The following AMOTL1 variants were observed in gnomAD, a reference collection of about 807,000 sequenced individuals.
The protein encoded by AMOTL1 is angiomotin like 1.
Under a neutral mutation model 102.9 loss-of-function variants are expected in AMOTL1, and 45 were observed. The ratio of observed to expected loss-of-function variants is 0.44; its 90% CI spans 0.34 to 0.56. The LOEUF (loss-of-function observed/expected upper bound fraction) is 0.56, where lower values mean the gene tolerates loss of function less well. Ranked by LOEUF, AMOTL1 falls within the 20% of genes least tolerant of loss-of-function variation. The probability of loss-of-function intolerance (pLI) is 0.01; values close to 1 mark genes in which losing one functional copy is unlikely to be tolerated. For synonymous variants in AMOTL1, 481 were observed against 484.7 expected, an observed-to-expected ratio of 0.99 and a Z score of 0.10; for missense variants, 1,114 against 1,225.6, an observed-to-expected ratio of 0.91 and a Z score of 1.36.
intron 4 of AMOTL1, among the ~76,000 whole-genome samples, chr11:94,822,921 C>G (rs537302550): frequency 1.3e-5 from 2 of 152,232 alleles, no homozygotes; most frequent in South Asian, 4.2e-4. Flanking sequence ...GTAGTAGTAG[C>G]GATCCTCTAA....
chr11:94,763,619 A>G (rs1950821337), upstream of AMOTL1, among the ~76,000 whole-genome samples: 2 of 152,242 alleles, frequency 1.3e-5, no homozygotes, highest in South Asian at 4.1e-4. Context: ...GTTGATTAAC[A>G]CATATTTCAT....
chr11:94,813,731 A>G (rs1951721635), intron 3 of AMOTL1, among the ~76,000 whole-genome samples: 1 of 152,220 alleles, frequency 6.6e-6, no homozygotes, highest in Non-Finnish European at 1.5e-5. Flanking sequence ...GAAATTCACA[A>G]TGCCCTGCTT....
chr11:94,817,695 T>C (rs1951789267), intron 3 of AMOTL1, among the ~76,000 whole-genome samples: 1 of 152,202 alleles, frequency 6.6e-6, no homozygotes. Flanking sequence ...CAAAAGGTGT[T>C]TTTTATAATC....
At chr11:94,707,214 GTCTCTCTCTC>G (rs56290112) in intron 1 of AMOTL1, among the ~76,000 whole-genome samples, 50,873 of 131,252 alleles carry the variant, frequency 0.39, 11,070 homozygotes, top group Non-Finnish European at 0.46. Context: ...TATACATGAG[GTCTCTCTCTC>G]TCTCTCTCTC....
At chr11:94,725,065 G>A (rs1227882495) in intron 1 of AMOTL1, among the ~76,000 whole-genome samples, 3 of 152,190 alleles carry the variant, frequency 2.0e-5, no homozygotes, top group Non-Finnish European at 4.4e-5. Context: ...AATGGCCCTA[G>A]AAGTGGTGGT....
chr11:94,763,474 A>C (rs1341792855), upstream of AMOTL1, among the ~76,000 whole-genome samples: 1 of 152,186 alleles, frequency 6.6e-6, no homozygotes, highest in African/African-American at 2.4e-5. Flanking sequence ...ACTAGAGTTG[A>C]CCCTTGAACA....
At chr11:94,859,815 G>C in intron 9 of AMOTL1, 100 bp downstream of exon 9, 4 of 1,272,536 alleles carry the variant, frequency 3.1e-6, no homozygotes, top group Non-Finnish European at 4.1e-6. Flanking sequence ...ATCCTAGGGA[G>C]TGAAGTCAGC....
At chr11:94,806,608 T>C (rs556574542) in intron 3 of AMOTL1, among the ~76,000 whole-genome samples, 1 of 152,306 alleles carries the variant, frequency 6.6e-6, no homozygotes, top group South Asian at 2.1e-4. Flanking sequence ...CTCCGGTATT[T>C]AGGCCGAATT....
At chr11:94,848,977 C>T (rs1243801008) in intron 6 of AMOTL1, among the ~76,000 whole-genome samples, 1 of 152,180 alleles carries the variant, frequency 6.6e-6, no homozygotes, top group Non-Finnish European at 1.5e-5. Flanking sequence ...GACTTGGGTT[C>T]TCTATGGTTC....
chr11:94,849,934 T>G (rs1592032424), intron 6 of AMOTL1, among the ~76,000 whole-genome samples, 180 bp from the exon 7 acceptor site: 1 of 152,092 alleles, frequency 6.6e-6, no homozygotes, highest in Admixed American at 6.5e-5. Context: ...TTGACCGTGG[T>G]TTTTGAGAAA....
rs777775534 is a variant in AMOTL1 at position 94,850,197 on chromosome 11, A to G, written c.1732A>G (p.Ile578Val). The change falls in exon 7 of 13, where the codon ATC becomes GTC. Residue 578 changes from isoleucine (I) to valine (V), a missense_variant. Ile to Val is a conservative substitution (Grantham distance 29, BLOSUM62 3). Transcript: ENST00000433060. ...RTASEDHRRH[I>V]EILDQALSNA... ...TGCAAGTGAGGACCATCGGAGACAC[A>G]TCGAGATCCTGGACCAGGCTTTGAG... 62 of 1,595,016 alleles carry G rather than the reference A, an allele frequency of 3.9e-5. 1 individual carries two copies. The highest frequency in any genetic ancestry group is 2.3e-5 in the East Asian group (1 of 44,274).
At chr11:94,741,105 G>C in intron 3 of AMOTL1, 3 of 871,876 alleles carry the variant, frequency 3.4e-6, no homozygotes, top group Non-Finnish European at 3.3e-6. Context: ...GAGGGCGGAG[G>C]GAAAGGGTCA....
intron 1 of AMOTL1, among the ~76,000 whole-genome samples, chr11:94,718,004 G>A (rs1295842813): frequency 1.7e-4 from 26 of 151,796 alleles, no homozygotes; most frequent in Admixed American, 1.7e-3. Flanking sequence ...TAATAAATAT[G>A]CCTTATAAAA....
At chr11:94,800,348 A>C (rs1230168088) in intron 3 of AMOTL1, 37 bp downstream of exon 3, 2 of 1,521,760 alleles carry the variant, frequency 1.3e-6, no homozygotes, top group South Asian at 2.6e-5. Context: ...GCGGCTTTTC[A>C]AAATTCAATA....
Position 94,869,300 on chromosome 11 carries a change from G to T in AMOTL1, c.2591G>T (p.Ser864Ile), listed in dbSNP as rs761855336. The change falls in exon 12 of 13, where the codon AGC (serine) becomes ATC (isoleucine). Residue 864 changes from serine to isoleucine, a missense_variant. Coordinates refer to ENST00000433060, the MANE Select transcript of AMOTL1 (RefSeq NM_130847.3). ...TCCATAGCCTCCACTACGGCAGCCA[G>T]CAGTGCCCACGCCAAGACAGGCAGC... is the stretch of plus-strand genomic sequence containing the variant. ...LSSIASTTAA[S>I]SAHAKTGSKD... 4.3e-6 allele frequency: 7 copies of T among 1,613,018 alleles called. No individual in the cohort carries two copies. The East Asian group carries it at 1.1e-4, about 26-fold the overall frequency.
intron 3 of AMOTL1, among the ~76,000 whole-genome samples, chr11:94,753,828 A>G (rs1950687778): frequency 6.6e-6 from 1 of 152,218 alleles, no homozygotes; most frequent in South Asian, 2.1e-4. Flanking sequence ...CTCACTCACA[A>G]TACTGCCTAC....
Position 94,799,851 on chromosome 11 carries a change from G to A in AMOTL1, c.661G>A (p.Ala221Thr), listed in dbSNP as rs1221278316. Reference sequence around the variant, plus strand: ...GGCGGTGGGCCATGGTTACTACATGGCAGGGGGCACCAGTCAGAAGTCCCG... The same window carrying A: ...GGCGGTGGGCCATGGTTACTACATGACAGGGGGCACCAGTCAGAAGTCCCG... ...QGAVGHGYYM[A>T]GGTSQKSRTE... is the part of the protein sequence containing the mutation. The change falls in exon 3 of 13, where the codon GCA becomes ACA. Residue 221 changes from alanine to threonine, a missense_variant. Coordinates refer to ENST00000433060, the MANE Select transcript of AMOTL1 (RefSeq NM_130847.3). This position sits in a 1 kb window ranked among gnomAD's most constrained non-coding sequence, Gnocchi z 4.5. The A allele has an allele frequency of 5.0e-6, 8 of 1,591,208 alleles. No individual in the cohort carries two copies. Among genetic ancestry groups the A allele is most frequent in the African/African-American group, 4.0e-5 (3 of 74,572 alleles).
intron 3 of AMOTL1, among the ~76,000 whole-genome samples, chr11:94,801,949 G>A (rs1051371041): frequency 5.3e-5 from 8 of 152,250 alleles, no homozygotes; most frequent in Admixed American, 1.3e-4. Flanking sequence ...TTTCCCAAGC[G>A]ACCTCAGTGG....
At chr11:94,788,598 A>G (rs888915629) in intron 1 of AMOTL1, among the ~76,000 whole-genome samples, 1 of 152,212 alleles carries the variant, frequency 6.6e-6, no homozygotes, top group African/African-American at 2.4e-5. Flanking sequence ...TGGAACTCCA[A>G]AGCAGTATGT....
Sources: allele counts gnomAD v4.1 joint callset (sites outside exome capture counted in the v4.1 genomes callset), GRCh38; gene constraint gnomAD v4.1.1; non-coding constraint Gnocchi (gnomAD v3.1); transcripts MANE v1.5; gene names NCBI Gene and HGNC (gene_info 2026-07-23, HGNC 2026-07-21).